The following RGMA variants were observed in gnomAD, a reference collection of about 807,000 sequenced individuals.
RGMA encodes the protein repulsive guidance molecule A.
Under a neutral mutation model 23.2 loss-of-function variants are expected in RGMA, and 10 were observed. The observed-to-expected ratio is 0.43, with a 90% CI of 0.27 to 0.73. RGMA has a LOEUF of 0.73. Ranked by LOEUF, RGMA falls within the 30% of genes least tolerant of loss-of-function variation. RGMA has a pLI of 0.20. For synonymous variants in RGMA, 308 were observed against 279.3 expected, an observed-to-expected ratio of 1.10 and a Z score of -1.03; for missense variants, 547 against 630.5, an observed-to-expected ratio of 0.87 and a Z score of 1.42.
chr15:93,049,582 G>GGATTGGCT (rs939100881), intron 3 of RGMA, among the ~76,000 whole-genome samples: 1 of 152,108 alleles, frequency 6.6e-6, no homozygotes, highest in African/African-American at 2.4e-5. Flanking sequence ...AAGAACAGAG[G>GGATTGGCT]GATTGGCTGA....
intron 3 of RGMA, among the ~76,000 whole-genome samples, chr15:93,046,461 G>T (rs1476407645): frequency 6.6e-6 from 1 of 152,096 alleles, no homozygotes; most frequent in Non-Finnish European, 1.5e-5. Context: ...CATTTCTGTT[G>T]GTTTGAACCA....
At chr15:93,078,592 A>C (rs1895510267) in intron 1 of RGMA, among the ~76,000 whole-genome samples, 1 of 152,152 alleles carries the variant, frequency 6.6e-6, no homozygotes. Context: ...GGTTTTATAG[A>C]CTTTGATCAT....
intron 2 of RGMA, among the ~76,000 whole-genome samples, chr15:93,068,303 C>T (rs1895220292): frequency 6.6e-6 from 1 of 152,056 alleles, no homozygotes; most frequent in South Asian, 2.1e-4. Context: ...AGTTGGGGTT[C>T]TCTGCCCAGT....
intron 1 of RGMA, among the ~76,000 whole-genome samples, chr15:93,080,301 C>T (rs147133166): frequency 2.4e-4 from 37 of 152,148 alleles, no homozygotes; most frequent in Admixed American, 3.3e-4. Flanking sequence ...TGGGTTCAAG[C>T]GATCCTTCCT....
rs2054741419 is a variant in RGMA at position 93,042,830 on chromosome 15, C to T, written c.*2168G>A. The T allele has an allele frequency of 2.0e-5, 3 of 152,290 alleles. No homozygotes were observed. Among genetic ancestry groups the T allele is most frequent in the African/African-American group, 7.2e-5 (3 of 41,446 alleles). The allele number at this position is 152,290 out of a possible 1,614,324, so 9.4% of individuals were successfully genotyped here. On this transcript the variant is annotated 3_prime_UTR_variant, in exon 4 of 4. Transcript: ENST00000329082. ...AGCCTCCTGCAGCACCACTGCTCCG[C>T]CCGGGCTATGAGAAGATGGGCACTG...
chr15:93,045,090 G>T lies in RGMA; in HGVS notation c.1261C>A (p.Pro421Thr). Reference sequence around the variant, plus strand: ...GGCAGCCCCGCAGCCGCCCTGCCTGGCAGGTCCCGAGTCCTCTCATACAGG... The same window carrying T: ...GGCAGCCCCGCAGCCGCCCTGCCTGTCAGGTCCCGAGTCCTCTCATACAGG... ...LHLYERTRDL[P>T]GRAAAGLPLA... The change falls in exon 4 of 4, where the codon CCA becomes ACA. Residue 421 changes from proline to threonine, a missense_variant. Transcript: ENST00000329082. The surrounding 1 kb of genome is among the most constrained non-coding windows in gnomAD (Gnocchi z 6.9). 6.3e-7 allele frequency: 1 copy of T among 1,578,938 alleles called. No individual in the cohort carries two copies. The highest frequency in any genetic ancestry group is 8.6e-7 in the Non-Finnish European group (1 of 1,162,660).
chr15:93,061,430 A>G (rs10852187), intron 2 of RGMA, among the ~76,000 whole-genome samples: 85,004 of 152,106 alleles, frequency 0.56, 24,083 homozygotes, highest in East Asian at 0.82. Context: ...GATTACCGGC[A>G]TGAGCCACCA....
At chr15:93,067,147 G>C (rs909635024) in intron 2 of RGMA, among the ~76,000 whole-genome samples, 1 of 152,204 alleles carries the variant, frequency 6.6e-6, no homozygotes, top group Non-Finnish European at 1.5e-5. Context: ...TTTAGTGATG[G>C]TTGTCTGTGG....
intron 3 of RGMA, among the ~76,000 whole-genome samples, chr15:93,051,677 CG>C (rs2054921777): frequency 1.3e-5 from 2 of 152,200 alleles, no homozygotes; most frequent in East Asian, 3.9e-4. Context: ...TGGAGTCACC[CG>C]GGCCTGGGGC....
intron 2 of RGMA, among the ~76,000 whole-genome samples, chr15:93,053,276 A>C (rs973220129): frequency 3.6e-4 from 55 of 152,200 alleles, no homozygotes; most frequent in African/African-American, 1.3e-3. Context: ...CTATGGCTTT[A>C]ACACACCTTA....
chr15:93,049,208 C>A (rs772141350), intron 3 of RGMA, among the ~76,000 whole-genome samples: 3 of 152,220 alleles, frequency 2.0e-5, no homozygotes, highest in Non-Finnish European at 4.4e-5. Flanking sequence ...AGAGCCCAGG[C>A]TGCATCAGCT....
At chr15:93,073,161 C>T in intron 1 of RGMA, 130 bp from the exon 2 acceptor site, 4 of 1,237,198 alleles carry the variant, frequency 3.2e-6, no homozygotes, top group Non-Finnish European at 4.0e-6. Flanking sequence ...CGGCGCGCTC[C>T]CCTTCCCGCG....
intron 2 of RGMA, among the ~76,000 whole-genome samples, chr15:93,071,951 A>G (rs953409703): frequency 1.3e-5 from 2 of 152,192 alleles, no homozygotes; most frequent in Admixed American, 6.5e-5. Context: ...GGCCCGTGAC[A>G]TTGTGTTTAT....
intron 2 of RGMA, among the ~76,000 whole-genome samples, chr15:93,055,438 C>T (rs1182600433): frequency 2.6e-5 from 4 of 152,246 alleles, no homozygotes; most frequent in Middle Eastern, 3.4e-3. Flanking sequence ...TGCATCTTCC[C>T]GGTGCGACTG....
chr15:93,057,730 C>A (rs2141820140), intron 2 of RGMA, among the ~76,000 whole-genome samples: 1 of 152,322 alleles, frequency 6.6e-6, no homozygotes, highest in East Asian at 1.9e-4. Flanking sequence ...TGGCCAGAGA[C>A]CAAAGGACCA....
Position 93,047,548 on chromosome 15 carries a change from C to T in RGMA, c.646-1843G>A, listed in dbSNP as rs553564637. On this transcript the variant is annotated intron_variant, in intron 3 of 3. Coordinates refer to ENST00000329082, the MANE Select transcript of RGMA (RefSeq NM_020211.3). ...CTACCCCCACCACTAAGCCCCAACC[C>T]CTCACCCCTCTGTAGGTCAGGGCTC... Among the ~76,000 whole-genome samples, 175 of 152,264 alleles carry T rather than the reference C, an allele frequency of 1.1e-3. 2 individuals are homozygous for T. Among genetic ancestry groups the T allele is most frequent in the Middle Eastern group, 3.4e-3 (1 of 294 alleles).
chr15:93,066,008 C>T lies in RGMA; in HGVS notation c.130+6908G>A, dbSNP rs1269588649. On this transcript the variant is annotated intron_variant, in intron 2 of 3. Transcript: ENST00000329082. ...GCGGAGTCTTTGGCCCGTTCCCCTT[C>T]TCTGCCAGGTTCTGTCCCCGCTGAA... 13 of 1,354,464 alleles carry T rather than the reference C, an allele frequency of 9.6e-6. 1 individual carries two copies. The East Asian group carries it at 1.2e-4, about 12-fold the overall frequency. 83.9% of individuals were successfully genotyped at this position (1,354,464 alleles called of 1,614,324 possible).
At chr15:93,079,091 A>G (rs1895517740) in intron 1 of RGMA, among the ~76,000 whole-genome samples, 2 of 152,224 alleles carry the variant, frequency 1.3e-5, no homozygotes, top group Non-Finnish European at 2.9e-5. Flanking sequence ...GAACCATCTG[A>G]GCTTTCTCTT....
intron 1 of RGMA, among the ~76,000 whole-genome samples, chr15:93,083,787 G>A (rs545434524): frequency 8.5e-5 from 13 of 152,304 alleles, no homozygotes; most frequent in African/African-American, 3.1e-4. Flanking sequence ...TATTAGCAGG[G>A]CTGGACCTGT....
Sources: allele counts gnomAD v4.1 joint callset (sites outside exome capture counted in the v4.1 genomes callset), GRCh38; gene constraint gnomAD v4.1.1; non-coding constraint Gnocchi (gnomAD v3.1); transcripts MANE v1.5; gene names NCBI Gene and HGNC (gene_info 2026-07-23, HGNC 2026-07-21).